The following ALDH1A3 variants were observed in gnomAD, a reference collection of about 807,000 sequenced individuals.
The protein encoded by ALDH1A3 is retinaldehyde dehydrogenase 3.
In ALDH1A3, 28 loss-of-function variants were observed where a neutral mutation model predicts 57.5. The observed-to-expected ratio is 0.49, with a 90% confidence interval of 0.36 to 0.67. The LOEUF (loss-of-function observed/expected upper bound fraction) is 0.67. Among genes scored for constraint, ALDH1A3 ranks in the 30% least tolerant of loss-of-function variants. The probability of loss-of-function intolerance (pLI) is 0.00; values close to 1 mark genes in which losing one functional copy is unlikely to be tolerated. For synonymous variants in ALDH1A3, 281 were observed against 264.8 expected (o/e 1.06, Z -0.59); for missense variants, 507 against 669.4 (o/e 0.76, Z 2.68).
rs754897793 is a variant in ALDH1A3, at chr15:100,898,151, G to C, written c.849G>C (p.Gly283=). ...AGCGGGTGACGCTGGAGCTGGGGGG[G>C]AAGAACCCCTGCATCGTGTGTGCGG... ...NLKRVTLELG[G]KNPCIVCADA... The change falls in exon 8 of 13, where the codon GGG becomes GGC. Residue 283 remains glycine, a synonymous_variant. Transcript: ENST00000329841. The C allele has an allele frequency of 5.0e-6, 8 of 1,614,162 alleles. No homozygotes were observed. In the Admixed American group the frequency reaches 1.3e-4, roughly 27 times the overall value.
At chr15:100,902,838 C>T (rs954974349) in intron 9 of ALDH1A3, among the ~76,000 whole-genome samples, 7 of 152,212 alleles carry the variant, frequency 4.6e-5, no homozygotes, top group African/African-American at 7.2e-5. Flanking sequence ...AGGTTTTCCA[C>T]GGGGACCCAG....
chr15:100,888,651 T>C (rs1374275741), intron 3 of ALDH1A3: 1 of 152,168 alleles, frequency 6.6e-6, no homozygotes, highest in Non-Finnish European at 1.5e-5. Flanking sequence ...AACCTCAGAA[T>C]AGGAAAGACC....
chr15:100,900,718 G>A lies in ALDH1A3; in HGVS notation c.1027G>A (p.Val343Met), dbSNP rs779331334. Reference protein sequence around the residue: ...RSVEYAKKRPVGDPFDVKTEQ... With the variant: ...RSVEYAKKRPMGDPFDVKTEQ... ...CGTGGAGTATGCCAAGAAACGGCCC[G>A]TGGGAGACCCCTTCGATGTCAAAAC... The change falls in exon 9 of 13, where the codon GTG becomes ATG. Residue 343 changes from valine (V) to methionine (M), a missense_variant. Val to Met is a conservative substitution (Grantham distance 21). This residue lies in a region of ALDH1A3 where 432 missense variants were observed against 608.4 expected (regional missense o/e 0.71). Transcript: ENST00000329841. 28 of 1,614,110 alleles carry A rather than the reference G, an allele frequency of 1.7e-5. No homozygotes were observed. The highest frequency in any genetic ancestry group is 8.9e-5 in the East Asian group (4 of 44,880).
At chr15:100,899,740 A>G (rs541174523) in intron 8 of ALDH1A3, among the ~76,000 whole-genome samples, 1 of 152,256 alleles carries the variant, frequency 6.6e-6, no homozygotes, top group Non-Finnish European at 1.5e-5. Context: ...TCCTGCTGCC[A>G]CTGAAACTTC....
intron 12 of ALDH1A3, among the ~76,000 whole-genome samples, chr15:100,912,512 T>C (rs1413479661): frequency 6.6e-6 from 1 of 152,234 alleles, no homozygotes; most frequent in Non-Finnish European, 1.5e-5. Flanking sequence ...ATGGAGTCTC[T>C]GCTCTACAAA....
intron 12 of ALDH1A3, among the ~76,000 whole-genome samples, chr15:100,911,917 T>C (rs1156793246): frequency 6.6e-6 from 1 of 152,272 alleles, no homozygotes; most frequent in Admixed American, 6.5e-5. Flanking sequence ...TAAATAATTA[T>C]TGGCTTTGAA....
chr15:100,904,694 G>T (rs1042982398), intron 9 of ALDH1A3, among the ~76,000 whole-genome samples: 4 of 152,166 alleles, frequency 2.6e-5, no homozygotes, highest in African/African-American at 9.7e-5. Flanking sequence ...CTCCCAAAAG[G>T]GTGCGCTTTT....
chr15:100,904,458 C>A (rs1336083802), intron 9 of ALDH1A3, among the ~76,000 whole-genome samples: 1 of 152,174 alleles, frequency 6.6e-6, no homozygotes, highest in Admixed American at 6.5e-5. Context: ...GACCGTCATC[C>A]AATTGCACCA....
At chr15:100,910,870 G>A (rs1476491830) in intron 12 of ALDH1A3, among the ~76,000 whole-genome samples, 3 of 152,180 alleles carry the variant, frequency 2.0e-5, no homozygotes, top group African/African-American at 7.2e-5. Flanking sequence ...GAAGCTGCAG[G>A]GCCCCCAATC....
chr15:100,904,516 T>C (rs1274242467), intron 9 of ALDH1A3, among the ~76,000 whole-genome samples: 2 of 152,200 alleles, frequency 1.3e-5, no homozygotes, highest in Non-Finnish European at 2.9e-5. Flanking sequence ...TGAAACCAGT[T>C]TTCCCATCTA....
In ALDH1A3 at chr15:100,914,696, C is replaced by T; in HGVS notation, c.1467-5C>T. On this transcript the variant is annotated splice_region_variant and splice_polypyrimidine_tract_variant and intron_variant, in intron 12 of 12. Transcript: ENST00000329841. Reference sequence around the variant, plus strand: ...TTTGAATTTTCCTCTTTTCTGTGATCACAGAGGTGAATACGCTTTGGCCGA... The same window carrying T: ...TTTGAATTTTCCTCTTTTCTGTGATTACAGAGGTGAATACGCTTTGGCCGA... 6.2e-7 allele frequency: 1 copy of T among 1,613,756 alleles called. No homozygotes were observed. The highest frequency in any genetic ancestry group is 1.3e-5 in the African/African-American group (1 of 75,026).
intron 2 of ALDH1A3, 104 bp downstream of exon 2, chr15:100,885,475 G>A: frequency 7.3e-6 from 6 of 822,354 alleles, no homozygotes; most frequent in Non-Finnish European, 1.2e-5. Flanking sequence ...CCTATCCTGG[G>A]GGCAGGGCCT....
At position 100,894,383 on chromosome 15, in the gene ALDH1A3, G is replaced by C. The variant is rs1483789563; in HGVS notation, c.666+301G>C. 3 of 274,458 alleles carry C rather than the reference G, an allele frequency of 1.1e-5. No individual in the cohort carries two copies. The highest frequency in any genetic ancestry group is 1.2e-4 in the South Asian group (2 of 16,914). The allele number at this position is 274,458 out of a possible 1,614,324, so 17.0% of individuals were successfully genotyped here. On this transcript the variant is annotated intron_variant, in intron 6 of 12. Coordinates refer to ENST00000329841, the MANE Select transcript of ALDH1A3 (RefSeq NM_000693.4). The surrounding 1 kb of genome is among the most constrained non-coding windows in gnomAD (Gnocchi z 4.5). ...AATTTTCAGGGGGGGTCAACCAAGAGGGAGCCAAATATTTGGGAGGTTCTC... is the reference window on the plus strand; with the variant it reads ...AATTTTCAGGGGGGGTCAACCAAGACGGAGCCAAATATTTGGGAGGTTCTC...
At chr15:100,905,996 C>T (rs576653150) in intron 10 of ALDH1A3, among the ~76,000 whole-genome samples, 7 of 152,210 alleles carry the variant, frequency 4.6e-5, no homozygotes, top group South Asian at 2.1e-4. Flanking sequence ...CTAACACAAC[C>T]GGTCCCCGAG....
At chr15:100,898,238 T>TC (rs2041729950) in intron 8 of ALDH1A3, 53 bp downstream of exon 8, 4 of 1,482,704 alleles carry the variant, frequency 2.7e-6, no homozygotes, top group Non-Finnish European at 3.7e-6. Context: ...TCCATCTGTC[T>TC]CCCCCTACTT....
chr15:100,890,795 A>G (rs1439762164), intron 3 of ALDH1A3, among the ~76,000 whole-genome samples: 1 of 152,208 alleles, frequency 6.6e-6, no homozygotes, highest in Non-Finnish European at 1.5e-5. Flanking sequence ...TTGCAATTCC[A>G]CTGACAGATA....
rs1460449609 is a variant in ALDH1A3 at position 100,887,011 on chromosome 15, T to C, written c.205-561T>C. ...TCACACTGAGGCAGCCAGTGGAAAGTCCTTCCGTACTTGGGTCCCTGAGAA... is the reference window on the plus strand; with the variant it reads ...TCACACTGAGGCAGCCAGTGGAAAGCCCTTCCGTACTTGGGTCCCTGAGAA... On this transcript the variant is annotated intron_variant, in intron 2 of 12. Transcript: ENST00000329841. This position sits in a 1 kb window ranked among gnomAD's most constrained non-coding sequence, Gnocchi z 4.6. Among the ~76,000 whole-genome samples the C allele has an allele frequency of 6.6e-6, 1 of 152,222 alleles. No individual in the cohort carries two copies. The highest frequency in any genetic ancestry group is 1.9e-4 in the East Asian group (1 of 5,198).
rs1444444609 is a variant in ALDH1A3 at position 100,915,042 on chromosome 15, G to C, written c.*269G>C. On this transcript the variant is annotated 3_prime_UTR_variant, in exon 13 of 13. Coordinates refer to ENST00000329841, the MANE Select transcript of ALDH1A3 (RefSeq NM_000693.4). ...GTGTTTCCCTTTAAACCAGATCCTG[G>C]AGACAGTGAGATACTCAGGGCGTTG... The C allele has an allele frequency of 2.2e-6, 1 of 461,002 alleles. No individual in the cohort carries two copies. The highest frequency in any genetic ancestry group is 2.6e-5 in the South Asian group (1 of 38,216). 28.6% of individuals were successfully genotyped at this position (461,002 alleles called of 1,614,324 possible). A position where few individuals can be genotyped will look rare whatever the true frequency, so the allele number is the denominator to read the frequency against.
rs1164081840 is a variant in ALDH1A3 at position 100,895,975 on chromosome 15, G to A, written c.709G>A (p.Gly237Arg). The A allele has an allele frequency of 4.3e-6, 7 of 1,613,716 alleles. No homozygotes were observed. Among genetic ancestry groups the A allele is most frequent in the East Asian group, 2.2e-5 (1 of 44,882 alleles). Residue 237 changes from glycine to arginine, a missense_variant, in exon 7 of 13, where the codon GGG (glycine) becomes AGG (arginine). By Grantham distance (125) the Gly-to-Arg change is moderately radical. Around this residue, in one of 2 missense-constraint regions of ALDH1A3, gnomAD observed 432 missense variants for 608.4 expected, o/e 0.71. Coordinates refer to ENST00000329841, the MANE Select transcript of ALDH1A3 (RefSeq NM_000693.4). ...PGVVNIVPGF[G>R]PTVGAAISSH... is the part of the protein sequence containing the mutation. Reference sequence around the variant, plus strand: ...AGTGGTGAACATTGTGCCAGGATTCGGGCCCACAGTGGGAGCAGCAATTTC... The same window carrying A: ...AGTGGTGAACATTGTGCCAGGATTCAGGCCCACAGTGGGAGCAGCAATTTC...
Sources: allele counts gnomAD v4.1 joint callset (sites outside exome capture counted in the v4.1 genomes callset), GRCh38; gene constraint gnomAD v4.1.1; regional missense constraint gnomAD v4.1.1; non-coding constraint Gnocchi (gnomAD v3.1); transcripts MANE v1.5; gene names NCBI Gene and HGNC (gene_info 2026-07-23, HGNC 2026-07-21).